Variants in CMPK1 observed in about 807,000 individuals in gnomAD.
The protein encoded by CMPK1 is UMP-CMP kinase.
Under a neutral mutation model 25.7 loss-of-function variants are expected in CMPK1, and 10 were observed. The observed-to-expected ratio is 0.39, with a 90% CI of 0.24 to 0.66. CMPK1 has a LOEUF of 0.66. Among genes scored for constraint, CMPK1 ranks in the 30% least tolerant of loss-of-function variants. The pLI, the probability that CMPK1 is intolerant of heterozygous loss-of-function variation, is 0.48. For synonymous variants in CMPK1, 106 were observed against 101.5 expected (o/e 1.04, Z -0.27); for missense variants, 199 against 280.5 (o/e 0.71, Z 2.08).
chr1:47,359,980 G>C (rs1185562657), intron 1 of CMPK1, among the ~76,000 whole-genome samples: 1 of 152,160 alleles, frequency 6.6e-6, no homozygotes, highest in Non-Finnish European at 1.5e-5. Context: ...ACAATATCTA[G>C]GTTGTAGTGA....
intron 1 of CMPK1, among the ~76,000 whole-genome samples, chr1:47,339,475 C>A (rs889972370): frequency 6.6e-6 from 1 of 152,006 alleles, no homozygotes; most frequent in Non-Finnish European, 1.5e-5. Flanking sequence ...ATCTTTGTGT[C>A]CCCAGTGTTG....
At chr1:47,352,672 A>T (rs897538664) in intron 1 of CMPK1, among the ~76,000 whole-genome samples, 1 of 152,182 alleles carries the variant, frequency 6.6e-6, no homozygotes, top group Admixed American at 6.5e-5. Context: ...TCTATTGTGT[A>T]GTCATGACAG....
intron 2 of CMPK1, among the ~76,000 whole-genome samples, chr1:47,371,214 T>C (rs1379578504): frequency 1.3e-5 from 2 of 152,192 alleles, no homozygotes; most frequent in Non-Finnish European, 2.9e-5. Flanking sequence ...CACACATTCT[T>C]ACCTCTTGTC....
chr1:47,365,982 T>A (rs941508387), intron 1 of CMPK1, among the ~76,000 whole-genome samples: 1 of 151,788 alleles, frequency 6.6e-6, no homozygotes, highest in Non-Finnish European at 1.5e-5. Flanking sequence ...TCACCTGAGG[T>A]TAGGAGTTCG....
At chr1:47,373,231 G>C in intron 3 of CMPK1, 124 bp downstream of exon 3, 1 of 857,784 alleles carries the variant, frequency 1.2e-6, no homozygotes, top group South Asian at 2.1e-5. Flanking sequence ...TTGGTAGATT[G>C]GATGGACGGA....
chr1:47,353,600 G>A (rs1250312859), intron 1 of CMPK1, among the ~76,000 whole-genome samples: 3 of 151,960 alleles, frequency 2.0e-5, no homozygotes, highest in African/African-American at 4.8e-5. Flanking sequence ...ATACCATATG[G>A]TGGTTTTTAT....
At chr1:47,375,369 A>G in intron 5 of CMPK1, 76 bp downstream of exon 5, 1 of 969,438 alleles carries the variant, frequency 1.0e-6, no homozygotes, top group Non-Finnish European at 1.6e-6. Flanking sequence ...TAAGCAGGAA[A>G]AAAAGAAATA....
intron 2 of CMPK1, among the ~76,000 whole-genome samples, chr1:47,369,063 T>C (rs1231621616): frequency 2.0e-5 from 3 of 152,218 alleles, no homozygotes; most frequent in African/African-American, 7.2e-5. Flanking sequence ...GTGTGCAGTG[T>C]CCTGATCACA....
At chr1:47,345,843 C>T (rs571907465) in intron 1 of CMPK1, among the ~76,000 whole-genome samples, 3 of 151,836 alleles carry the variant, frequency 2.0e-5, no homozygotes, top group Middle Eastern at 3.4e-3. Context: ...GCAACCTCCA[C>T]CTCCCAGGTT....
intron 1 of CMPK1, among the ~76,000 whole-genome samples, chr1:47,341,417 A>G (rs532035359): frequency 2.0e-5 from 3 of 152,124 alleles, no homozygotes; most frequent in African/African-American, 7.2e-5. Context: ...CCCCCAGGCT[A>G]GAGAACCTTG....
At chr1:47,352,402 TA>T (rs1310282102) in intron 1 of CMPK1, among the ~76,000 whole-genome samples, 1 of 151,968 alleles carries the variant, frequency 6.6e-6, no homozygotes, top group African/African-American at 2.4e-5. Context: ...GTGCAGAGAT[TA>T]AAAAGGCTGA....
chr1:47,355,232 G>A (rs113769440), intron 1 of CMPK1, among the ~76,000 whole-genome samples: 6 of 152,014 alleles, frequency 3.9e-5, no homozygotes, highest in African/African-American at 1.4e-4. Context: ...TTTTTGTGGA[G>A]ACAGGGTTTC....
chr1:47,363,562 C>G (rs1470638534), intron 1 of CMPK1, among the ~76,000 whole-genome samples: 1 of 151,588 alleles, frequency 6.6e-6, no homozygotes, highest in South Asian at 2.1e-4. Context: ...CGCTTGAACC[C>G]TGGAGGTGGA....
chr1:47,370,408 G>A (rs1327239939), intron 2 of CMPK1, among the ~76,000 whole-genome samples: 4 of 151,834 alleles, frequency 2.6e-5, no homozygotes, highest in Admixed American at 2.0e-4. Context: ...GGAGGCCGAG[G>A]CAGGGGGATC....
At chr1:47,336,513 G>T (rs180999365) in intron 1 of CMPK1, among the ~76,000 whole-genome samples, 18 of 152,016 alleles carry the variant, frequency 1.2e-4, no homozygotes, top group African/African-American at 4.1e-4. Context: ...TATTTTTATT[G>T]GTGGGTTTTG....
chr1:47,359,164 A>G (rs571334583), intron 1 of CMPK1, among the ~76,000 whole-genome samples: 1 of 151,882 alleles, frequency 6.6e-6, no homozygotes, highest in African/African-American at 2.4e-5. Context: ...TAAAAATACA[A>G]AAATTAGCCT....
At chr1:47,344,691 G>A (rs1646470084) in intron 1 of CMPK1, among the ~76,000 whole-genome samples, 1 of 151,774 alleles carries the variant, frequency 6.6e-6, no homozygotes, top group Non-Finnish European at 1.5e-5. Context: ...TAGAGATGGG[G>A]TTTTACCATG....
rs1316695822 is a variant in CMPK1, at chr1:47,378,801, T to C, written c.*2056T>C. 1 of 152,218 alleles carries C rather than the reference T, an allele frequency of 6.6e-6. No homozygotes were observed. Among genetic ancestry groups the C allele is most frequent in the Non-Finnish European group, 1.5e-5 (1 of 68,034 alleles). 9.4% of individuals were successfully genotyped at this position (152,218 alleles called of 1,614,324 possible). The stretch of plus-strand genomic sequence containing the variant: ...TGTTGGATGTATATCAGTTATTTAG[T>C]AAATAATCTCAATAAATTTTGTGCT... On this transcript the variant is annotated 3_prime_UTR_variant, in exon 6 of 6. Transcript: ENST00000371873.
intron 1 of CMPK1, among the ~76,000 whole-genome samples, chr1:47,350,120 A>G (rs1370071683): frequency 6.6e-6 from 1 of 151,978 alleles, no homozygotes; most frequent in African/African-American, 2.4e-5. Context: ...TATTATTTAT[A>G]TAGAAACAGG....
Sources: gnomAD v4.1 joint callset for allele counts (sites outside exome capture counted in the v4.1 genomes callset) on GRCh38, gnomAD v4.1.1 for gene constraint, MANE v1.5 for transcripts, NCBI Gene and HGNC (gene_info 2026-07-23, HGNC 2026-07-21) for gene names.